COQ10A: variants seen among roughly 807,000 people sequenced by gnomAD.
The protein encoded by COQ10A is coenzyme Q-binding protein COQ10 homolog A, mitochondrial.
In COQ10A, 25 loss-of-function variants were observed where a neutral mutation model predicts 26.1. The observed-to-expected ratio is 0.96, with a 90% confidence interval of 0.70 to 1.34. COQ10A has a LOEUF of 1.34. COQ10A is among the 40% of genes most tolerant of loss of function. COQ10A has a pLI of 0.00. For missense variants in COQ10A, 312 were observed against 335.4 expected, an observed-to-expected ratio of 0.93 and a Z score of 0.54; for synonymous variants, 132 against 124.0, an observed-to-expected ratio of 1.06 and a Z score of -0.43.
chr12:56,269,227 C>T lies in COQ10A; in HGVS notation c.450C>T (p.Ser150=). ...TGGAACGTTACACCTCTGCAGTTTC[C>T]ATGGTCAAACCTCACATGGTCAAGG... ...PVMERYTSAV[S]MVKPHMVKAV... is the part of the protein sequence containing the mutation. Residue 150 remains serine, a synonymous_variant, in exon 3 of 5, where the codon TCC becomes TCT. Coordinates refer to ENST00000308197, the MANE Select transcript of COQ10A (RefSeq NM_144576.4). The T allele has an allele frequency of 6.2e-7, 1 of 1,614,140 alleles. No individual in the cohort carries two copies. Among genetic ancestry groups the T allele is most frequent in the Non-Finnish European group, 8.5e-7 (1 of 1,180,014 alleles).
rs752309371 is a variant in COQ10A, at chr12:56,270,249, GCCA to G, written c.680_682del (p.Thr227del). ...TGTTGCTGCCTTTGAGCGTCGGGCA[GCCA>G]CCAAGTTTGGTCCAGAAACAGCCAT... On this transcript the variant is annotated inframe_deletion, in exon 5 of 5. Transcript: ENST00000308197. The G allele has an allele frequency of 3.7e-6, 6 of 1,614,042 alleles. No homozygotes were observed. Among genetic ancestry groups the G allele is most frequent in the African/African-American group, 2.7e-5 (2 of 74,920 alleles).
At position 56,269,600 on chromosome 12, in the gene COQ10A, G is replaced by A. The variant is rs1592402822; in HGVS notation, c.576+39G>A. 3 of 1,330,610 alleles carry A rather than the reference G, an allele frequency of 2.3e-6. No individual in the cohort carries two copies. The South Asian group carries it at 3.5e-5, about 16-fold the overall frequency. The allele number at this position is 1,330,610 out of a possible 1,614,324, so 82.4% of individuals were successfully genotyped here. A position where few individuals can be genotyped will look rare whatever the true frequency, so the allele number is the denominator to read the frequency against. On this transcript the variant is annotated intron_variant, in intron 4 of 4. Coordinates refer to ENST00000308197, the MANE Select transcript of COQ10A (RefSeq NM_144576.4). Reference sequence around the variant, plus strand: ...TTGTGTAGCAGAGGACGAGGACTGGGTATGAGGAAGGGCTGGGGTACTGTG... The same window carrying A: ...TTGTGTAGCAGAGGACGAGGACTGGATATGAGGAAGGGCTGGGGTACTGTG...
chr12:56,268,023 C>T (rs1446352069), intron 2 of COQ10A, 83 bp downstream of exon 2: 41 of 1,540,360 alleles, frequency 2.7e-5, no homozygotes, highest in Non-Finnish European at 3.6e-5. Context: ...AGGGTATCAT[C>T]GGTGGGCAAG....
chr12:56,267,527 T>C, intron 1 of COQ10A: 3 of 1,490,858 alleles, frequency 2.0e-6, no homozygotes, highest in Non-Finnish European at 2.8e-6. Context: ...AGCAGTAGTG[T>C]AGGCCCAGTC....
intron 2 of COQ10A, 121 bp downstream of exon 2, chr12:56,268,061 G>A (rs1291103732): frequency 2.4e-6 from 3 of 1,236,064 alleles, no homozygotes; most frequent in East Asian, 4.7e-5. Context: ...CCCCTCCCCA[G>A]CTACAATACT....
In COQ10A at chr12:56,269,488, A is replaced by G. The variant is rs750279062; in HGVS notation, c.503A>G (p.Asn168Ser). Residue 168 changes from asparagine to serine, a missense_variant, in exon 4 of 5, where the codon AAC (asparagine) becomes AGC (serine). Coordinates refer to ENST00000308197, the MANE Select transcript of COQ10A (RefSeq NM_144576.4). ...KAVCTDGKLFNHLETIWRFSP... is the reference protein window; with the variant it reads ...KAVCTDGKLFSHLETIWRFSP... ...GTTTGTACTGATGGCAAGCTCTTCAACCACTTAGAGACTATTTGGCGATTC... is the reference window on the plus strand; with the variant it reads ...GTTTGTACTGATGGCAAGCTCTTCAGCCACTTAGAGACTATTTGGCGATTC... The G allele has an allele frequency of 1.9e-6, 3 of 1,614,028 alleles. No individual in the cohort carries two copies. The highest frequency in any genetic ancestry group is 2.7e-5 in the African/African-American group (2 of 74,918).
intron 1 of COQ10A, chr12:56,267,534 A>C (rs1280098803): frequency 8.3e-6 from 12 of 1,439,108 alleles, no homozygotes; most frequent in Non-Finnish European, 1.2e-5. Flanking sequence ...GTGTAGGCCC[A>C]GTCAAAGGCA....
At chr12:56,269,691 G>C in intron 4 of COQ10A, 130 bp downstream of exon 4, 4 of 739,020 alleles carry the variant, frequency 5.4e-6, no homozygotes, top group Non-Finnish European at 9.5e-6. Flanking sequence ...GCAATGGCAC[G>C]ATCTTGGCTC....
At position 56,267,145 on chromosome 12, in the gene COQ10A, C is replaced by G. The variant is rs1318010516; in HGVS notation, c.27C>G (p.Val9=). MAWAGSRR[V]PAGTRAAAER... is the part of the protein sequence containing the mutation. ...TGGCCTGGGCGGGCTCGCGGCGGGT[C>G]CCAGCTGGGACGCGCGCGGCAGCCG... Residue 9 remains valine (V), a synonymous_variant, in exon 1 of 5, where the codon GTC becomes GTG. Coordinates refer to ENST00000308197, the MANE Select transcript of COQ10A (RefSeq NM_144576.4). The G allele has an allele frequency of 1.5e-6, 2 of 1,320,566 alleles. No individual in the cohort carries two copies. The highest frequency in any genetic ancestry group is 2.8e-4 in the Middle Eastern group (1 of 3,534). 81.8% of individuals were successfully genotyped at this position (1,320,566 alleles called of 1,614,324 possible).
At position 56,267,272 on chromosome 12, in the gene COQ10A, G is replaced by T. The variant is rs1406795037; in HGVS notation, c.134+20G>T. ...AATGAGGTGAGAGGGAGGTGACCGC[G>T]GCTGAGGGCAGGGGGTCGCTGCGAA... On this transcript the variant is annotated intron_variant, in intron 1 of 4. Coordinates refer to ENST00000308197, the MANE Select transcript of COQ10A (RefSeq NM_144576.4). 6.4e-7 allele frequency: 1 copy of T among 1,567,246 alleles called. No individual in the cohort carries two copies. The highest frequency in any genetic ancestry group is 8.7e-7 in the Non-Finnish European group (1 of 1,154,128).
At chr12:56,268,206 C>T (rs1270394658) in intron 2 of COQ10A, 5 of 460,680 alleles carry the variant, frequency 1.1e-5, no homozygotes, top group South Asian at 9.1e-5. Flanking sequence ...TGCGGTGGCT[C>T]ACGCCTGTAA....
In COQ10A at chr12:56,270,714, G is replaced by T. The variant is rs1592403562; in HGVS notation, c.*397G>T. On this transcript the variant is annotated 3_prime_UTR_variant, in exon 5 of 5. Transcript: ENST00000308197. ...CTGGCACAGAGGTACTGAGTGGTAA[G>T]TAACTTTTACCCTGCCTGAGATTCC... The T allele has an allele frequency of 6.4e-6, 1 of 155,904 alleles. No individual in the cohort carries two copies. The highest frequency in any genetic ancestry group is 2.0e-4 in the South Asian group (1 of 4,924). 9.7% of individuals were successfully genotyped at this position (155,904 alleles called of 1,614,324 possible). A position where few individuals can be genotyped will look rare whatever the true frequency, so the allele number is the denominator to read the frequency against.
intron 2 of COQ10A, chr12:56,268,186 C>T (rs940456754): frequency 1.9e-6 from 1 of 528,754 alleles, no homozygotes; most frequent in Non-Finnish European, 3.3e-6. Context: ...GACAACAGGG[C>T]GTAGCTGGGT....
Position 56,270,260 on chromosome 12 carries a change from T to G in COQ10A, c.687T>G (p.Phe229Leu), listed in dbSNP as rs1228907255. The change falls in exon 5 of 5, where the codon TTT (phenylalanine) becomes TTG (leucine). Residue 229 changes from phenylalanine to leucine, a missense_variant. Transcript: ENST00000308197. ...AAFERRAATK[F>L]GPETAIPREL... ...TTGAGCGTCGGGCAGCCACCAAGTT[T>G]GGTCCAGAAACAGCCATCCCCCGTG... The G allele has an allele frequency of 6.2e-7, 1 of 1,614,166 alleles. No individual in the cohort carries two copies. Among genetic ancestry groups the G allele is most frequent in the East Asian group, 2.2e-5 (1 of 44,886 alleles).
chr12:56,270,028 C>A, intron 4 of COQ10A, 122 bp from the exon 5 acceptor site: 1 of 962,264 alleles, frequency 1.0e-6, no homozygotes, highest in Non-Finnish European at 1.6e-6. Context: ...AGGGCTCTTA[C>A]GGGGATCCAC....
chr12:56,268,035 T>G, intron 2 of COQ10A, 95 bp downstream of exon 2: 1 of 1,484,792 alleles, frequency 6.7e-7, no homozygotes, highest in East Asian at 2.3e-5. Flanking sequence ...GTGGGCAAGA[T>G]TCATCCCTAG....
Position 56,267,242 on chromosome 12 carries a change from C to G in COQ10A, c.124C>G (p.Arg42Gly), listed in dbSNP as rs758007005. Residue 42 changes from arginine to glycine, a missense_variant, in exon 1 of 5, where the codon CGA (arginine) becomes GGA (glycine). Coordinates refer to ENST00000308197, the MANE Select transcript of COQ10A (RefSeq NM_144576.4). ...APPPGPLPPP[R>G]PMRFLTSCSL... is the part of the protein sequence containing the mutation. ...GCCCCCAGGCCCTCTGCCACCGCCG[C>G]GACCAATGAGGTGAGAGGGAGGTGA... 7.3e-6 allele frequency: 11 copies of G among 1,499,568 alleles called. No individual in the cohort carries two copies. Among genetic ancestry groups the G allele is most frequent in the Non-Finnish European group, 9.8e-6 (11 of 1,125,358 alleles). The allele number at this position is 1,499,568 out of a possible 1,614,324, so 92.9% of individuals were successfully genotyped here.
intron 2 of COQ10A, 52 bp downstream of exon 2, chr12:56,267,992 C>A (rs1342358959): frequency 2.5e-6 from 4 of 1,602,550 alleles, no homozygotes; most frequent in East Asian, 2.2e-5. Context: ...CTCCAAATAA[C>A]CCTGTCCAGG....
chr12:56,269,079 A>ATCC lies in COQ10A; in HGVS notation c.303_304insCCT (p.Tyr101_Glu102insPro). 6.2e-7 allele frequency: 1 copy of ATCC among 1,613,926 alleles called. No individual in the cohort carries two copies. The highest frequency in any genetic ancestry group is 8.5e-7 in the Non-Finnish European group (1 of 1,179,992). The stretch of plus-strand genomic sequence containing the variant: ...CCTAGGTACTCAATGCAGGAGATGT[A>ATCC]TGAGGTGGTGTCCAACGTCCAGGAG... On this transcript the variant is annotated inframe_insertion, in exon 3 of 5. Coordinates refer to ENST00000308197, the MANE Select transcript of COQ10A (RefSeq NM_144576.4).
Sources: allele counts gnomAD v4.1 joint callset, GRCh38; gene constraint gnomAD v4.1.1; transcripts MANE v1.5; gene names NCBI Gene and HGNC (gene_info 2026-07-23, HGNC 2026-07-21).